Variants in CFAP77 observed in about 807,000 individuals in gnomAD.
CFAP77 encodes cilia and flagella associated protein 77, also known as cilia- and flagella-associated protein 77.
In CFAP77, 25 loss-of-function variants were observed where a neutral mutation model predicts 31.1. The observed-to-expected ratio is 0.80, with a 90% CI of 0.59 to 1.12. CFAP77 has a LOEUF of 1.12. Among genes scored for constraint, CFAP77 ranks in the 50% most tolerant of loss-of-function variants. The probability of loss-of-function intolerance (pLI) is 0.00; values close to 1 mark genes in which losing one functional copy is unlikely to be tolerated. For missense variants in CFAP77, 377 were observed against 397.3 expected, an observed-to-expected ratio of 0.95 and a Z score of 0.44; for synonymous variants, 151 against 159.9, an observed-to-expected ratio of 0.94 and a Z score of 0.42.
At chr9:132,493,790 T>G (rs1851690484) in intron 1 of CFAP77, among the ~76,000 whole-genome samples, 1 of 152,276 alleles carries the variant, frequency 6.6e-6, no homozygotes, top group Non-Finnish European at 1.5e-5. Flanking sequence ...GGACCACACA[T>G]GTGGTTGCCC....
rs893576364 is a variant in CFAP77 at position 132,503,919 on chromosome 9, T to C, written c.524+4319T>C. Among the ~76,000 whole-genome samples, 6 of 152,076 alleles carry C rather than the reference T, an allele frequency of 3.9e-5. 1 individual carries two copies. The highest frequency in any genetic ancestry group is 7.4e-5 in the Non-Finnish European group (5 of 68,010). On this transcript the variant is annotated intron_variant, in intron 3 of 5. Transcript: ENST00000393216. ...CAAAAATGAGTCGGGCGTGGTGGCA[T>C]GCATCTGTAATCAGTAGGCTGAGGC...
intron 5 of CFAP77, among the ~76,000 whole-genome samples, chr9:132,557,767 CT>C (rs778805255): frequency 7.9e-5 from 12 of 152,308 alleles, no homozygotes; most frequent in Non-Finnish European, 1.3e-4. Flanking sequence ...CTCCTCATTT[CT>C]TTTCTTTCCA....
chr9:132,544,327 A>G (rs1418906771), intron 5 of CFAP77, among the ~76,000 whole-genome samples: 1 of 152,080 alleles, frequency 6.6e-6, no homozygotes, highest in African/African-American at 2.4e-5. Flanking sequence ...GCAGCTCCGC[A>G]GCTCCTCTCA....
rs989857700 is a variant in CFAP77, at chr9:132,499,034, C to CG, written c.295+240_295+241insG. Among the ~76,000 whole-genome samples, 25 of 152,228 alleles carry CG rather than the reference C, an allele frequency of 1.6e-4. 1 individual carries two copies. The highest frequency in any genetic ancestry group is 6.2e-4 in the South Asian group (3 of 4,828). On this transcript the variant is annotated intron_variant, in intron 2 of 5. Coordinates refer to ENST00000393216, the MANE Select transcript of CFAP77 (RefSeq NM_001282957.2). The surrounding 1 kb of genome is among the most constrained non-coding windows in gnomAD (Gnocchi z 5.4). ...AGCATGGGTATCCCCGCACCGCCCC[C>CG]CTTCCCCGCCGCCGGCAGGGACTGT...
At chr9:132,429,487 A>C (rs1850369670) in intron 1 of CFAP77, among the ~76,000 whole-genome samples, 1 of 144,896 alleles carries the variant, frequency 6.9e-6, no homozygotes, top group Admixed American at 7.0e-5. Context: ...GTAGTGAGCC[A>C]AGATCGCACC....
Position 132,559,346 on chromosome 9 carries a change from C to CAAAAAAAAAAA in CFAP77, c.733-13032_733-13022dup, listed in dbSNP as rs35737685. Among the ~76,000 whole-genome samples the CAAAAAAAAAAA allele has an allele frequency of 1.3e-3, 74 of 56,074 alleles. 2 individuals carry two copies. Among genetic ancestry groups the CAAAAAAAAAAA allele is most frequent in the African/African-American group, 3.3e-3 (40 of 12,218 alleles). 36.8% of individuals were successfully genotyped at this position (56,074 alleles called of 152,430 possible). ...CGCGTCAGAGTGAGACTCTGTCTTG[C>CAAAAAAAAAAA]AAAAAAAAAAAAAAAAAAAAGGCAA... On this transcript the variant is annotated intron_variant, in intron 5 of 5. Coordinates refer to ENST00000393216, the MANE Select transcript of CFAP77 (RefSeq NM_001282957.2).
intron 3 of CFAP77, among the ~76,000 whole-genome samples, chr9:132,521,762 CTTTTTTTTT>C (rs774087426): frequency 3.2e-5 from 2 of 62,562 alleles, no homozygotes; most frequent in South Asian, 1.3e-3. Context: ...AATAGACTTG[CTTTTTTTTT>C]TTTTTTTTTT....
Position 132,438,518 on chromosome 9 carries a change from G to C in CFAP77, c.195+28052G>C, listed in dbSNP as rs997047862. ...CTCCTTTATTTGGGGGAACAGATAT[G>C]GTATATATATATATATATATATATT... is the stretch of plus-strand genomic sequence containing the variant. On this transcript the variant is annotated intron_variant, in intron 1 of 5. Coordinates refer to ENST00000393216, the MANE Select transcript of CFAP77 (RefSeq NM_001282957.2). Among the ~76,000 whole-genome samples, 128 of 111,194 alleles carry C rather than the reference G, an allele frequency of 1.2e-3. 2 individuals carry two copies. Among genetic ancestry groups the C allele is most frequent in the South Asian group, 5.1e-3 (15 of 2,948 alleles). 72.9% of individuals were successfully genotyped at this position (111,194 alleles called of 152,430 possible).
intron 1 of CFAP77, among the ~76,000 whole-genome samples, chr9:132,460,408 T>C (rs939253112): frequency 5.9e-5 from 9 of 152,168 alleles, no homozygotes; most frequent in Admixed American, 5.9e-4. Context: ...GGCCTATCCA[T>C]ATGGTGGAAT....
chr9:132,569,363 G>A (rs1829925936), intron 5 of CFAP77, among the ~76,000 whole-genome samples: 1 of 152,028 alleles, frequency 6.6e-6, no homozygotes, highest in Admixed American at 6.5e-5. Flanking sequence ...CCATGGTTGT[G>A]CCACTGCACT....
intron 3 of CFAP77, among the ~76,000 whole-genome samples, chr9:132,521,303 C>T (rs1474409258): frequency 6.6e-6 from 1 of 152,200 alleles, no homozygotes; most frequent in African/African-American, 2.4e-5. Flanking sequence ...ACTAGGTTCC[C>T]CAAGGAAAAG....
In CFAP77 at chr9:132,410,313, G is replaced by C. The variant is rs755004934; in HGVS notation, c.42G>C (p.Trp14Cys). ...ARSSGPDLTR[W>C]RKQQQPVRRT... ...GCTCCGGCCCGGACCTCACGCGATG[G>C]AGGAAGCAGCAGCAGCCTGTGCGCC... The change falls in exon 1 of 6, where the codon TGG (tryptophan) becomes TGC (cysteine). Residue 14 changes from tryptophan to cysteine, a missense_variant. Transcript: ENST00000393216. 5.6e-6 allele frequency: 9 copies of C among 1,595,632 alleles called. No individual in the cohort carries two copies. Among genetic ancestry groups the C allele is most frequent in the Non-Finnish European group, 7.7e-6 (9 of 1,172,670 alleles).
At chr9:132,550,519 CTTTTTTTTTT>C (rs766424349) in intron 5 of CFAP77, among the ~76,000 whole-genome samples, 1 of 102,822 alleles carries the variant, frequency 9.7e-6, no homozygotes, top group African/African-American at 3.9e-5. Context: ...TCCCTTGAAG[CTTTTTTTTTT>C]TTTTTTTTTT....
intron 1 of CFAP77, among the ~76,000 whole-genome samples, chr9:132,458,357 G>GTGGGGT (rs1554738861): frequency 0.14 from 16,596 of 115,934 alleles, 1,480 homozygotes; most frequent in East Asian, 0.43. Context: ...GAGGGGGGGG[G>GTGGGGT]GTGTGTATGG....
chr9:132,447,888 A>G lies in CFAP77; in HGVS notation c.195+37422A>G, dbSNP rs148680527. ...AGGATATCCACTGGAGGAAAGACCTACTTAGGAGTCCAGTTTACAAGGCAG... is the reference window on the plus strand; with the variant it reads ...AGGATATCCACTGGAGGAAAGACCTGCTTAGGAGTCCAGTTTACAAGGCAG... On this transcript the variant is annotated intron_variant, in intron 1 of 5. Coordinates refer to ENST00000393216, the MANE Select transcript of CFAP77 (RefSeq NM_001282957.2). 2.9e-3 allele frequency among the ~76,000 whole-genome samples: 449 copies of G among 152,320 alleles called. 1 individual carries two copies. The highest frequency in any genetic ancestry group is 0.01 in the African/African-American group (434 of 41,572).
chr9:132,548,284 G>T, intron 5 of CFAP77, among the ~76,000 whole-genome samples: 1 of 130,910 alleles, frequency 7.6e-6, no homozygotes, highest in Non-Finnish European at 1.6e-5. Context: ...CGGGGGGGTG[G>T]GGGGTGAAGC....
chr9:132,428,598 G>A (rs1181062249), intron 1 of CFAP77, among the ~76,000 whole-genome samples: 1 of 152,106 alleles, frequency 6.6e-6, no homozygotes, highest in Non-Finnish European at 1.5e-5. Flanking sequence ...CTGAGCGACA[G>A]AGCGAGACTC....
intron 1 of CFAP77, among the ~76,000 whole-genome samples, chr9:132,465,092 AAG>A (rs1269054943): frequency 1.4e-5 from 2 of 146,236 alleles, no homozygotes; most frequent in Non-Finnish European, 3.0e-5. Context: ...AAAAAAAAAA[AAG>A]AAAAAAAGAA....
intron 1 of CFAP77, among the ~76,000 whole-genome samples, chr9:132,423,838 C>T (rs1041005083): frequency 2.6e-5 from 4 of 152,230 alleles, no homozygotes; most frequent in Admixed American, 2.0e-4. Flanking sequence ...AAGTCCACAG[C>T]TTGTCATGCT....
Sources: gnomAD v4.1 joint callset for allele counts (sites outside exome capture counted in the v4.1 genomes callset) on GRCh38, gnomAD v4.1.1 for gene constraint, Gnocchi (gnomAD v3.1) non-coding constraint, MANE v1.5 for transcripts, NCBI Gene and HGNC (gene_info 2026-07-23, HGNC 2026-07-21) for gene names.